TECTA: variants seen among roughly 807,000 people sequenced by gnomAD.
The protein encoded by TECTA is tectorin alpha.
Under a neutral mutation model 216.8 loss-of-function variants are expected in TECTA, and 128 were observed. The ratio of observed to expected loss-of-function variants is 0.59; its 90% CI spans 0.51 to 0.68. TECTA has a LOEUF of 0.68. TECTA is among the 30% of genes least tolerant of loss of function. TECTA has a pLI of 0.00. For synonymous variants in TECTA, 1,089 were observed against 1,117.1 expected, an observed-to-expected ratio of 0.97 and a Z score of 0.50; for missense variants, 2,551 against 2,786.2, an observed-to-expected ratio of 0.92 and a Z score of 1.90.
chr11:121,162,233 C>A lies in TECTA; in HGVS notation c.5135C>A (p.Pro1712Gln). Residue 1712 changes from proline (P) to glutamine (Q), a missense_variant, in exon 16 of 24, where the codon CCA becomes CAA. This residue lies in a region of TECTA where 2,375 missense variants were observed against 2,563.9 expected (regional missense o/e 0.93). Coordinates refer to ENST00000392793, the MANE Select transcript of TECTA (RefSeq NM_005422.4). ...QPCYGLLDPL[P>Q]FYESCYLDGC... ...TGCTATGGGCTTCTCGATCCCCTCC[C>A]ATTCTACGAGTCCTGCTACCTGGAC... is the stretch of plus-strand genomic sequence containing the variant. 1 of 1,614,202 alleles carries A rather than the reference C, an allele frequency of 6.2e-7. No homozygotes were observed. Among genetic ancestry groups the A allele is most frequent in the Non-Finnish European group, 8.5e-7 (1 of 1,180,058 alleles).
intron 13 of TECTA, among the ~76,000 whole-genome samples, chr11:121,154,549 C>T (rs1591457148): frequency 2.0e-5 from 3 of 152,222 alleles, no homozygotes; most frequent in South Asian, 2.1e-4. Flanking sequence ...TTCCCCAGCC[C>T]GGAGACTTAC....
At position 121,113,090 on chromosome 11, in the gene TECTA, G is replaced by T; in HGVS notation, c.505G>T (p.Val169Phe). The change falls in exon 5 of 24, where the codon GTC becomes TTC. Residue 169 changes from valine to phenylalanine, a missense_variant. Around this residue, in one of 3 missense-constraint regions of TECTA, gnomAD observed 2,375 missense variants for 2,563.9 expected, o/e 0.93. Coordinates refer to ENST00000392793, the MANE Select transcript of TECTA (RefSeq NM_005422.4). This position sits in a 1 kb window ranked among gnomAD's most constrained non-coding sequence, Gnocchi z 4.2. ...STTPVNTFQA[V>F]LVSDGSYTFT... is the part of the protein sequence containing the mutation. Reference sequence around the variant, plus strand: ...CCTGTAGGTGAACACCTTCCAGGCCGTCCTAGTGTCCGATGGCTCCTATAC... The same window carrying T: ...CCTGTAGGTGAACACCTTCCAGGCCTTCCTAGTGTCCGATGGCTCCTATAC... 6.2e-7 allele frequency: 1 copy of T among 1,614,116 alleles called. No homozygotes were observed. The highest frequency in any genetic ancestry group is 8.5e-7 in the Non-Finnish European group (1 of 1,180,008).
intron 12 of TECTA, 123 bp downstream of exon 12, chr11:121,146,239 T>C (rs752636608): frequency 1.4e-5 from 17 of 1,174,314 alleles, no homozygotes; most frequent in Non-Finnish European, 2.0e-5. Context: ...ATATGCACTT[T>C]GGAACTGAGT....
chr11:121,190,671 C>T, intron 23 of TECTA, 35 bp from the exon 24 acceptor site: 1 of 1,510,250 alleles, frequency 6.6e-7, no homozygotes, highest in Non-Finnish European at 9.2e-7. Flanking sequence ...TATTTTTCCC[C>T]CCATAGGGCT....
chr11:121,110,537 G>C (rs1175275215), intron 4 of TECTA: 1 of 152,216 alleles, frequency 6.6e-6, no homozygotes, highest in Admixed American at 6.5e-5. Context: ...CTGTAGAACA[G>C]AAAGACACAA....
At chr11:121,182,845 A>G (rs1253890445) in intron 20 of TECTA, among the ~76,000 whole-genome samples, 1 of 150,918 alleles carries the variant, frequency 6.6e-6, no homozygotes, top group African/African-American at 2.4e-5. Flanking sequence ...GACAGGATAC[A>G]TGGGCACCAG....
chr11:121,143,520 T>A (rs527715779), intron 11 of TECTA, among the ~76,000 whole-genome samples: 60 of 152,326 alleles, frequency 3.9e-4, no homozygotes, highest in African/African-American at 1.4e-3. Flanking sequence ...TTTACCTCTA[T>A]CTTTGCTTTT....
chr11:121,137,181 C>T (rs1047458991), intron 10 of TECTA, among the ~76,000 whole-genome samples: 5 of 152,164 alleles, frequency 3.3e-5, no homozygotes, highest in Admixed American at 3.3e-4. Context: ...TGTGTGCACA[C>T]ACAGGCACTC....
At chr11:121,142,523 G>A (rs1406613074) in intron 11 of TECTA, among the ~76,000 whole-genome samples, 1 of 152,182 alleles carries the variant, frequency 6.6e-6, no homozygotes, top group Non-Finnish European at 1.5e-5. Flanking sequence ...AAGCCTTTTA[G>A]CTTCATCCAA....
chr11:121,114,898 C>A (rs2135062513), intron 6 of TECTA, among the ~76,000 whole-genome samples: 1 of 61,276 alleles, frequency 1.6e-5, no homozygotes, highest in Admixed American at 1.9e-4. Context: ...TCCACCTACC[C>A]ATCCATCCAT....
At chr11:121,122,032 C>G (rs1210985573) in intron 7 of TECTA, among the ~76,000 whole-genome samples, 1 of 152,090 alleles carries the variant, frequency 6.6e-6, no homozygotes, top group African/African-American at 2.4e-5. Context: ...ACCTAGGAGA[C>G]AAGAATAAAT....
chr11:121,169,131 A>G (rs1021901136), intron 20 of TECTA, among the ~76,000 whole-genome samples: 13 of 152,350 alleles, frequency 8.5e-5, no homozygotes, highest in African/African-American at 3.1e-4. Context: ...TAACTTGCCT[A>G]AAGTCACACA....
intron 3 of TECTA, among the ~76,000 whole-genome samples, 179 bp downstream of exon 3, chr11:121,106,143 A>G (rs1946388447): frequency 6.6e-6 from 1 of 152,230 alleles, no homozygotes; most frequent in South Asian, 2.1e-4. Context: ...AGTCAAAGGT[A>G]TATTTAATGG....
At chr11:121,131,983 T>C (rs959003229) in intron 10 of TECTA, among the ~76,000 whole-genome samples, 4 of 152,238 alleles carry the variant, frequency 2.6e-5, no homozygotes, top group Non-Finnish European at 4.4e-5. Flanking sequence ...GATTTCTCCA[T>C]TGAAAGTTAC....
intron 20 of TECTA, among the ~76,000 whole-genome samples, chr11:121,172,112 A>G (rs1947118314): frequency 6.6e-6 from 1 of 152,204 alleles, no homozygotes; most frequent in Non-Finnish European, 1.5e-5. Context: ...ATAAAGGGAC[A>G]TTGAATTTTA....
intron 3 of TECTA, among the ~76,000 whole-genome samples, chr11:121,108,268 T>TG (rs1946408032): frequency 6.6e-6 from 1 of 151,740 alleles, no homozygotes; most frequent in Non-Finnish European, 1.5e-5. Context: ...CATACACGCA[T>TG]GCCACCCCCA....
At chr11:121,187,646 A>T (rs959217844) in intron 20 of TECTA, among the ~76,000 whole-genome samples, 186 bp from the exon 21 acceptor site, 1 of 152,244 alleles carries the variant, frequency 6.6e-6, no homozygotes, top group Non-Finnish European at 1.5e-5. Flanking sequence ...AAAACAAACT[A>T]TGAAAACATG....
intron 7 of TECTA, among the ~76,000 whole-genome samples, chr11:121,119,944 T>C (rs141676373): frequency 3.9e-5 from 6 of 152,356 alleles, no homozygotes; most frequent in Non-Finnish European, 7.3e-5. Context: ...TATAGAAATT[T>C]GGAGATTTTC....
chr11:121,140,706 C>G (rs545250340), intron 11 of TECTA, among the ~76,000 whole-genome samples: 1 of 152,174 alleles, frequency 6.6e-6, no homozygotes, highest in Non-Finnish European at 1.5e-5. Flanking sequence ...CCTCAATGTT[C>G]GTCACCTTGT....
Sources: allele counts gnomAD v4.1 joint callset (sites outside exome capture counted in the v4.1 genomes callset), GRCh38; gene constraint gnomAD v4.1.1; regional missense constraint gnomAD v4.1.1; non-coding constraint Gnocchi (gnomAD v3.1); transcripts MANE v1.5; gene names NCBI Gene and HGNC (gene_info 2026-07-23, HGNC 2026-07-21).